Variants in CFAP95 observed in about 807,000 individuals in gnomAD.
The protein encoded by CFAP95 is cilia- and flagella-associated protein 95.
the CFAP95 span, among the ~76,000 whole-genome samples, chr9:69,829,116 A>C: frequency 6.6e-6 from 1 of 152,240 alleles, no homozygotes; most frequent in East Asian, 1.9e-4. Context: ...TCTGCGTTCT[A>C]CAACGGTGGA....
chr9:69,834,011 A>C, the CFAP95 span, among the ~76,000 whole-genome samples: 2 of 152,186 alleles, frequency 1.3e-5, no homozygotes, highest in East Asian at 3.9e-4. Context: ...TAATCTTTTG[A>C]TGTTATTCTG....
At chr9:69,894,645 A>G in the CFAP95 span, among the ~76,000 whole-genome samples, 2 of 152,230 alleles carry the variant, frequency 1.3e-5, no homozygotes, top group Admixed American at 6.5e-5. Context: ...GTAATAACAC[A>G]CCATGTAAGT....
the CFAP95 span, among the ~76,000 whole-genome samples, chr9:69,850,491 A>T: frequency 1.3e-5 from 2 of 152,248 alleles, no homozygotes; most frequent in Non-Finnish European, 2.9e-5. Flanking sequence ...TGACATTTAA[A>T]AACTAATGTC....
At chr9:69,897,744 G>A in the CFAP95 span, among the ~76,000 whole-genome samples, 1 of 152,078 alleles carries the variant, frequency 6.6e-6, no homozygotes, top group Non-Finnish European at 1.5e-5. Context: ...TGGGGGTGGA[G>A]GTGGAGTGGA....
the CFAP95 span, among the ~76,000 whole-genome samples, chr9:69,850,659 C>A: frequency 6.6e-6 from 1 of 152,022 alleles, no homozygotes; most frequent in Non-Finnish European, 1.5e-5. Flanking sequence ...TATCTAAGCA[C>A]CTGAAAGGGG....
At chr9:69,844,265 G>A in the CFAP95 span, among the ~76,000 whole-genome samples, 5 of 152,152 alleles carry the variant, frequency 3.3e-5, no homozygotes, top group African/African-American at 1.2e-4. Flanking sequence ...GAATCACTGA[G>A]TAATTACTGT....
the CFAP95 span, among the ~76,000 whole-genome samples, chr9:69,841,834 T>A: frequency 6.6e-6 from 1 of 152,104 alleles, no homozygotes; most frequent in African/African-American, 2.4e-5. Flanking sequence ...TCATGAGACT[T>A]GTTCACTATC....
the CFAP95 span, among the ~76,000 whole-genome samples, chr9:69,841,164 T>TTTTATATATATATATATATATATATA: frequency 6.3e-3 from 352 of 55,976 alleles, 32 homozygotes; most frequent in Admixed American, 7.6e-3. Context: ...CCAAGCTGGA[T>TTTTATATATATATATATATATATATA]TATATATATA....
the CFAP95 span, among the ~76,000 whole-genome samples, chr9:69,891,136 CAG>C: frequency 6.6e-6 from 1 of 152,140 alleles, no homozygotes; most frequent in South Asian, 2.1e-4. Context: ...AAGTTTTTAA[CAG>C]AGAATTGTTT....
the CFAP95 span, among the ~76,000 whole-genome samples, chr9:69,867,589 C>A: frequency 2.6e-5 from 4 of 152,288 alleles, no homozygotes; most frequent in African/African-American, 9.6e-5. Context: ...TATTTGCCTG[C>A]CCTCTGCAGC....
At chr9:69,904,459 A>G in the CFAP95 span, among the ~76,000 whole-genome samples, 1 of 152,142 alleles carries the variant, frequency 6.6e-6, no homozygotes, top group Non-Finnish European at 1.5e-5. Context: ...AATGATTGAG[A>G]TCCAATTCTA....
chr9:69,862,172 C>A, the CFAP95 span, among the ~76,000 whole-genome samples: 2 of 152,158 alleles, frequency 1.3e-5, no homozygotes, highest in African/African-American at 4.8e-5. Flanking sequence ...TGTTGAACAG[C>A]AAATTATAAT....
At chr9:69,822,262 C>T in the CFAP95 span, among the ~76,000 whole-genome samples, 1 of 152,180 alleles carries the variant, frequency 6.6e-6, no homozygotes, top group African/African-American at 2.4e-5. Flanking sequence ...GTGATTTTGA[C>T]TCTAGCCCTA....
the CFAP95 span, among the ~76,000 whole-genome samples, chr9:69,843,378 T>C: frequency 2.6e-5 from 4 of 151,394 alleles, no homozygotes; most frequent in Non-Finnish European, 5.9e-5. Flanking sequence ...AATAGCTACT[T>C]CAGTTGCCAG....
the CFAP95 span, chr9:69,902,305 T>G: frequency 3.9e-3 from 1,765 of 454,968 alleles, 12 homozygotes; most frequent in Middle Eastern, 0.028. Flanking sequence ...TAAGCCTTCA[T>G]AGCAAAGGAT....
At chr9:69,826,449 A>G in the CFAP95 span, among the ~76,000 whole-genome samples, 2 of 152,206 alleles carry the variant, frequency 1.3e-5, no homozygotes, top group Non-Finnish European at 2.9e-5. Flanking sequence ...CAGCAATCCC[A>G]TCTTTCTACA....
the CFAP95 span, among the ~76,000 whole-genome samples, chr9:69,865,933 AT>A: frequency 6.6e-6 from 1 of 152,186 alleles, no homozygotes; most frequent in Admixed American, 6.6e-5. Context: ...TGGTTTCATC[AT>A]TATCTGAATT....
At chr9:69,849,955 A>G in the CFAP95 span, among the ~76,000 whole-genome samples, 1 of 152,220 alleles carries the variant, frequency 6.6e-6, no homozygotes, top group Non-Finnish European at 1.5e-5. Context: ...CATGAAAACT[A>G]AAATCATCAA....
the CFAP95 span, among the ~76,000 whole-genome samples, chr9:69,825,089 G>T: frequency 1.3e-5 from 2 of 152,080 alleles, no homozygotes; most frequent in African/African-American, 2.4e-5. Context: ...GGTCATAATT[G>T]TTAGCTTTCT....
Sources: gnomAD v4.1 joint callset for allele counts (sites outside exome capture counted in the v4.1 genomes callset) on GRCh38, gnomAD v4.1.1 for gene constraint, MANE v1.5 for transcripts, NCBI Gene and HGNC (gene_info 2026-07-23, HGNC 2026-07-21) for gene names.